Variants in MPHOSPH8 observed in about 807,000 individuals in gnomAD.
MPHOSPH8 encodes the protein M-phase phosphoprotein, mpp.
Under a neutral mutation model 87.3 loss-of-function variants are expected in MPHOSPH8, and 45 were observed. The observed-to-expected ratio is 0.52, with a 90% CI of 0.41 to 0.66. The LOEUF (loss-of-function observed/expected upper bound fraction) is 0.66, where lower values mean the gene tolerates loss of function less well. Ranked by LOEUF, MPHOSPH8 falls within the 30% of genes least tolerant of loss-of-function variation. MPHOSPH8 has a pLI of 0.00. For missense variants in MPHOSPH8, 883 were observed against 1,020.2 expected (o/e 0.87, Z 1.83); for synonymous variants, 366 against 376.9 (o/e 0.97, Z 0.33).
At chr13:19,636,623 G>C (rs898818606) in intron 1 of MPHOSPH8, among the ~76,000 whole-genome samples, 1 of 151,800 alleles carries the variant, frequency 6.6e-6, no homozygotes, top group Admixed American at 6.6e-5. Context: ...GGGACTATAG[G>C]TGTGCTCTAC....
At chr13:19,660,509 G>A (rs905836588) in intron 7 of MPHOSPH8, among the ~76,000 whole-genome samples, 18 of 151,886 alleles carry the variant, frequency 1.2e-4, no homozygotes, top group African/African-American at 4.1e-4. Flanking sequence ...CAAAATTATT[G>A]GGCTTTTGAT....
chr13:19,646,996 A>G lies in MPHOSPH8; in HGVS notation c.923A>G (p.His308Arg), dbSNP rs767167222. 29 of 1,592,616 alleles carry G rather than the reference A, an allele frequency of 1.8e-5. No individual in the cohort carries two copies. The highest frequency in any genetic ancestry group is 7.6e-5 in the Admixed American group (4 of 52,694). Residue 308 changes from histidine (H) to arginine (R), a missense_variant, in exon 3 of 14, where the codon CAT becomes CGT. Physicochemically the swap from His to Arg is conservative, Grantham distance 29. Coordinates refer to ENST00000361479, the MANE Select transcript of MPHOSPH8 (RefSeq NM_017520.4). ...ERAGQDMGLE[H>R]GFEKPLDSAM... ...GCAGGGCAGGACATGGGGCTGGAGC[A>G]TGGCTTTGAGAAGCCCCTAGACAGT...
At chr13:19,647,958 A>C (rs2137512935) in intron 3 of MPHOSPH8, among the ~76,000 whole-genome samples, 1 of 152,292 alleles carries the variant, frequency 6.6e-6, no homozygotes, top group East Asian at 1.9e-4. Flanking sequence ...AAATAGAACA[A>C]CTTAGAAAAT....
chr13:19,666,579 C>A lies in MPHOSPH8; in HGVS notation c.2174C>A (p.Thr725Lys). Residue 725 changes from threonine to lysine, a missense_variant and splice_region_variant, in exon 10 of 14, where the codon ACA becomes AAA. Physicochemically the swap from Thr to Lys is moderately conservative, Grantham distance 78. Coordinates refer to ENST00000361479, the MANE Select transcript of MPHOSPH8 (RefSeq NM_017520.4). ...GACTTGCTGAAGAACCATTTAGAGA[C>A]GTAAGTGAGAAGCGACTGTGCCATA... is the stretch of plus-strand genomic sequence containing the variant. ...VYDLLKNHLE[T>K]LSRVAEETIK... is the part of the protein sequence containing the mutation. 6.4e-7 allele frequency: 1 copy of A among 1,571,858 alleles called. No individual in the cohort carries two copies. The highest frequency in any genetic ancestry group is 8.7e-7 in the Non-Finnish European group (1 of 1,147,344).
rs139789103 is a variant in MPHOSPH8 at position 19,647,718 on chromosome 13, T to C, written c.1218+427T>C. On this transcript the variant is annotated intron_variant, in intron 3 of 13. Coordinates refer to ENST00000361479, the MANE Select transcript of MPHOSPH8 (RefSeq NM_017520.4). ...TTTTTAAAATGTATTTAATAGGGAATTTGTCCCATTATAAAAATTATTTTT... is the reference window on the plus strand; with the variant it reads ...TTTTTAAAATGTATTTAATAGGGAACTTGTCCCATTATAAAAATTATTTTT... Among the ~76,000 whole-genome samples the C allele has an allele frequency of 3.9e-4, 59 of 152,338 alleles. 1 individual carries two copies. In the East Asian group the frequency reaches 6.9e-3, roughly 18 times the overall value.
intron 2 of MPHOSPH8, 47 bp from the exon 3 acceptor site, chr13:19,646,396 A>G (rs1351196439): frequency 7.5e-7 from 1 of 1,325,652 alleles, no homozygotes; most frequent in Admixed American, 3.0e-5. Context: ...CAAAACCTTT[A>G]AAATCAATAT....
chr13:19,665,004 C>G lies in MPHOSPH8; in HGVS notation c.2020-1421C>G, dbSNP rs573750952. On this transcript the variant is annotated intron_variant, in intron 9 of 13. Coordinates refer to ENST00000361479, the MANE Select transcript of MPHOSPH8 (RefSeq NM_017520.4). ...GTCCACGGGCTGGCAGCACCTCCCC[C>G]ACACAGCAGGCAGAAGGCAGGCGGG... 3.3e-5 allele frequency among the ~76,000 whole-genome samples: 5 copies of G among 152,194 alleles called. No homozygotes were observed. The South Asian group carries it at 1.0e-3, about 32-fold the overall frequency.
At chr13:19,638,154 TA>T (rs1275205906) in intron 1 of MPHOSPH8, among the ~76,000 whole-genome samples, 2 of 151,950 alleles carry the variant, frequency 1.3e-5, no homozygotes, top group Non-Finnish European at 2.9e-5. Context: ...TTATTTTGCC[TA>T]AAAGAATATG....
At chr13:19,663,395 A>G (rs137906634) in intron 9 of MPHOSPH8, among the ~76,000 whole-genome samples, 3 of 152,272 alleles carry the variant, frequency 2.0e-5, no homozygotes, top group East Asian at 1.9e-4. Context: ...GACCCTGACA[A>G]TCCTTAGGGT....
intron 5 of MPHOSPH8, among the ~76,000 whole-genome samples, chr13:19,652,372 TGC>T (rs1874901247): frequency 6.6e-6 from 1 of 152,098 alleles, no homozygotes; most frequent in Admixed American, 6.5e-5. Context: ...TGAGGGACTG[TGC>T]CATGAGGAAC....
intron 1 of MPHOSPH8, among the ~76,000 whole-genome samples, chr13:19,639,920 C>G (rs538189938): frequency 2.0e-5 from 3 of 152,186 alleles, no homozygotes; most frequent in African/African-American, 7.2e-5. Flanking sequence ...GCCTGGCCAA[C>G]ATGCCGAAAC....
rs376219888 is a variant in MPHOSPH8 at position 19,661,849 on chromosome 13, T to C, written c.1932+11T>C. ...CATGCTGCAGAGAAGGTTTGTGGCTTCTTATGCATCAGTTTCAGAGCTTTC... is the reference window on the plus strand; with the variant it reads ...CATGCTGCAGAGAAGGTTTGTGGCTCCTTATGCATCAGTTTCAGAGCTTTC... On this transcript the variant is annotated intron_variant, in intron 8 of 13. Coordinates refer to ENST00000361479, the MANE Select transcript of MPHOSPH8 (RefSeq NM_017520.4). 6 of 1,597,496 alleles carry C rather than the reference T, an allele frequency of 3.8e-6. No homozygotes were observed. Among genetic ancestry groups the C allele is most frequent in the African/African-American group, 1.3e-5 (1 of 74,192 alleles).
rs1329135500 is a variant in MPHOSPH8 at position 19,666,569 on chromosome 13, C to G, written c.2164C>G (p.His722Asp). 6.3e-7 allele frequency: 1 copy of G among 1,577,486 alleles called. No homozygotes were observed. Among genetic ancestry groups the G allele is most frequent in the East Asian group, 2.3e-5 (1 of 44,022 alleles). ...GCTTGTGTACGACTTGCTGAAGAACCATTTAGAGACGTAAGTGAGAAGCGA... is the reference window on the plus strand; with the variant it reads ...GCTTGTGTACGACTTGCTGAAGAACGATTTAGAGACGTAAGTGAGAAGCGA... Reference protein sequence around the residue: ...NVLVYDLLKNHLETLSRVAEE... With the variant: ...NVLVYDLLKNDLETLSRVAEE... Residue 722 changes from histidine (H) to aspartate (D), a missense_variant, in exon 10 of 14, where the codon CAT becomes GAT. His to Asp is a moderately conservative substitution (Grantham distance 81). Transcript: ENST00000361479.
rs1186472723 is a variant in MPHOSPH8 at position 19,633,847 on chromosome 13, A to G, written c.99A>G (p.Val33=). 6.2e-7 allele frequency: 1 copy of G among 1,611,074 alleles called. No homozygotes were observed. The highest frequency in any genetic ancestry group is 1.7e-5 in the Admixed American group (1 of 59,426). The part of the protein sequence containing the change: ...ELAEVEEGVG[V]VGEDNDAAAR... ...CCGAAGTCGAAGAAGGAGTTGGAGTAGTGGGCGAAGATAATGACGCAGCCG... is the reference window on the plus strand; with the variant it reads ...CCGAAGTCGAAGAAGGAGTTGGAGTGGTGGGCGAAGATAATGACGCAGCCG... Residue 33 remains valine (V), a synonymous_variant, in exon 1 of 14, where the codon GTA becomes GTG. Transcript: ENST00000361479.
At chr13:19,639,992 G>C (rs1028114154) in intron 1 of MPHOSPH8, among the ~76,000 whole-genome samples, 2 of 152,082 alleles carry the variant, frequency 1.3e-5, no homozygotes, top group African/African-American at 4.8e-5. Flanking sequence ...TGTAATCTCA[G>C]CTACTTGGGA....
chr13:19,671,298 C>G lies in MPHOSPH8; in HGVS notation c.2541+9C>G. On this transcript the variant is annotated intron_variant, in intron 13 of 13. Transcript: ENST00000361479. ...AAGCACCCTCTGCCAAGGTGACAGT[C>G]CTTTCTTCACATTTAGTGTCACTAC... is the stretch of plus-strand genomic sequence containing the variant. 1 of 1,603,082 alleles carries G rather than the reference C, an allele frequency of 6.2e-7. No homozygotes were observed. The highest frequency in any genetic ancestry group is 1.1e-5 in the South Asian group (1 of 90,736).
In MPHOSPH8 at chr13:19,673,107, T is replaced by G. The variant is rs765926211; in HGVS notation, c.*1232T>G. The G allele has an allele frequency of 1.4e-3, 654 of 452,844 alleles. 3 individuals carry two copies. The highest frequency in any genetic ancestry group is 9.1e-3 in the East Asian group (130 of 14,358). 28.1% of individuals were successfully genotyped at this position (452,844 alleles called of 1,614,324 possible). A position where few individuals can be genotyped will look rare whatever the true frequency, so the allele number is the denominator to read the frequency against. ...TATACGGTTTTTTTTTGTTTTTTTT[T>G]TTTGAAAAGCCAGACCTTGTGCCCT... On this transcript the variant is annotated 3_prime_UTR_variant, in exon 14 of 14. Coordinates refer to ENST00000361479, the MANE Select transcript of MPHOSPH8 (RefSeq NM_017520.4).
chr13:19,658,943 G>A (rs1364149143), intron 5 of MPHOSPH8, 52 bp from the exon 6 acceptor site: 1 of 1,585,446 alleles, frequency 6.3e-7, no homozygotes, highest in Non-Finnish European at 8.6e-7. Context: ...AACATTGTGG[G>A]TTTTTTATAC....
rs578035023 is a variant in MPHOSPH8, at chr13:19,646,934, A to G, written c.861A>G (p.Arg287=). 1.9e-6 allele frequency: 3 copies of G among 1,595,194 alleles called. No homozygotes were observed. Among genetic ancestry groups the G allele is most frequent in the South Asian group, 2.3e-5 (2 of 87,074 alleles). The part of the protein sequence containing the change: ...DDSEGLHSDS[R]EEKQNTKSAR... ...GTGAAGGGCTACATTCCGACAGCAGAGAAGAGAAACAAAACACTAAAAGTG... is the reference window on the plus strand; with the variant it reads ...GTGAAGGGCTACATTCCGACAGCAGGGAAGAGAAACAAAACACTAAAAGTG... The change falls in exon 3 of 14, where the codon AGA becomes AGG. Residue 287 remains arginine (R), a synonymous_variant. Coordinates refer to ENST00000361479, the MANE Select transcript of MPHOSPH8 (RefSeq NM_017520.4).
Sources: gnomAD v4.1 joint callset for allele counts (sites outside exome capture counted in the v4.1 genomes callset) on GRCh38, gnomAD v4.1.1 for gene constraint, MANE v1.5 for transcripts, NCBI Gene and HGNC (gene_info 2026-07-23, HGNC 2026-07-21) for gene names.